Variants in CLNK observed in about 807,000 individuals in gnomAD.
The protein encoded by CLNK is cytokine dependent hematopoietic cell linker, also known as cytokine-dependent hematopoietic cell linker.
In CLNK, 74 loss-of-function variants were observed where a neutral mutation model predicts 68.6. The ratio of observed to expected loss-of-function variants is 1.08; its 90% confidence interval spans 0.89 to 1.31. The LOEUF is 1.31. CLNK is among the 50% of genes most tolerant of loss of function. The probability of loss-of-function intolerance (pLI) is 0.00; values close to 1 mark genes in which losing one functional copy is unlikely to be tolerated. For synonymous variants in CLNK, 198 were observed against 172.2 expected (o/e 1.15, Z -1.17); for missense variants, 553 against 515.3 (o/e 1.07, Z -0.71).
chr4:10,505,279 T>C (rs938188084), intron 17 of CLNK, among the ~76,000 whole-genome samples: 1 of 152,172 alleles, frequency 6.6e-6, no homozygotes, highest in African/African-American at 2.4e-5. Context: ...TGAAAAGAAC[T>C]GTGAGGGCTA....
At chr4:10,491,533 C>T (rs1264441916) in intron 18 of CLNK, among the ~76,000 whole-genome samples, 1 of 152,140 alleles carries the variant, frequency 6.6e-6, no homozygotes, top group Non-Finnish European at 1.5e-5. Flanking sequence ...GAGGTAGCTG[C>T]AGATTTCAGT....
intron 18 of CLNK, among the ~76,000 whole-genome samples, chr4:10,500,180 C>G (rs1716981067): frequency 6.6e-6 from 1 of 152,210 alleles, no homozygotes; most frequent in South Asian, 2.1e-4. Flanking sequence ...AGCTCACATC[C>G]TTAGAAATGG....
chr4:10,667,818 G>A (rs1009016261), intron 2 of CLNK, 41 bp downstream of exon 2: 2 of 1,545,710 alleles, frequency 1.3e-6, no homozygotes, highest in Non-Finnish European at 1.7e-6. Flanking sequence ...TCCCCACCAA[G>A]AAAAGGGAAC....
chr4:10,632,523 C>G (rs763655997), intron 2 of CLNK, among the ~76,000 whole-genome samples: 1 of 152,246 alleles, frequency 6.6e-6, no homozygotes, highest in African/African-American at 2.4e-5. Flanking sequence ...ATATTCATTT[C>G]CTGTACTAAG....
intron 18 of CLNK, among the ~76,000 whole-genome samples, chr4:10,491,851 G>T (rs1197955910): frequency 6.6e-6 from 1 of 151,962 alleles, no homozygotes. Flanking sequence ...TGAAGTTTGG[G>T]CTTTAGTGTA....
At chr4:10,640,268 G>A (rs1723260943) in intron 2 of CLNK, among the ~76,000 whole-genome samples, 1 of 152,084 alleles carries the variant, frequency 6.6e-6, no homozygotes, top group Non-Finnish European at 1.5e-5. Flanking sequence ...CAGTTCAAGA[G>A]ATTCTCCTGC....
intron 1 of CLNK, among the ~76,000 whole-genome samples, chr4:10,683,374 G>T (rs765054542): frequency 6.6e-6 from 1 of 152,226 alleles, no homozygotes; most frequent in Non-Finnish European, 1.5e-5. Flanking sequence ...GAGAGGGCTT[G>T]TTGGGAATAA....
the CLNK span, among the ~76,000 whole-genome samples, chr4:10,732,348 C>T: frequency 3.3e-5 from 5 of 152,158 alleles, no homozygotes; most frequent in Non-Finnish European, 5.9e-5. Flanking sequence ...GCAGCCCCTG[C>T]AAAGGCCCTG....
chr4:10,577,975 C>T (rs1414565230), intron 4 of CLNK, among the ~76,000 whole-genome samples: 2 of 152,060 alleles, frequency 1.3e-5, no homozygotes, highest in African/African-American at 4.8e-5. Context: ...AAATCCTGGC[C>T]CTGTCACTCT....
the CLNK span, among the ~76,000 whole-genome samples, chr4:10,715,123 T>A: frequency 1.3e-5 from 2 of 152,206 alleles, no homozygotes; most frequent in African/African-American, 4.8e-5. Context: ...CCTTTATATA[T>A]TGTCAAAGTG....
At chr4:10,683,747 C>T (rs1482241880) in intron 1 of CLNK, among the ~76,000 whole-genome samples, 2 of 152,172 alleles carry the variant, frequency 1.3e-5, no homozygotes, top group African/African-American at 4.8e-5. Flanking sequence ...CTTCAATTAA[C>T]CAGCTCTACC....
intron 2 of CLNK, among the ~76,000 whole-genome samples, chr4:10,658,852 A>G (rs904024942): frequency 6.6e-6 from 1 of 152,212 alleles, no homozygotes; most frequent in Admixed American, 6.5e-5. Flanking sequence ...GTCAGCATAC[A>G]CTGCAGAAAA....
At chr4:10,617,591 G>A (rs1722285988) in intron 2 of CLNK, among the ~76,000 whole-genome samples, 2 of 152,180 alleles carry the variant, frequency 1.3e-5, no homozygotes, top group African/African-American at 4.8e-5. Flanking sequence ...TGAAATAATA[G>A]TCAATTTTTG....
intron 1 of CLNK, among the ~76,000 whole-genome samples, chr4:10,673,942 A>C (rs778793426): frequency 8.5e-5 from 13 of 152,210 alleles, no homozygotes; most frequent in Non-Finnish European, 1.2e-4. Context: ...GTGTGTGTGC[A>C]TTCACTTTCT....
At chr4:10,528,597 G>A (rs1718418172) in intron 12 of CLNK, among the ~76,000 whole-genome samples, 1 of 152,152 alleles carries the variant, frequency 6.6e-6, no homozygotes, top group Admixed American at 6.5e-5. Context: ...GACATTGTAA[G>A]TATTTATGTA....
At chr4:10,538,660 T>C (rs1186222690) in intron 11 of CLNK, among the ~76,000 whole-genome samples, 1 of 152,216 alleles carries the variant, frequency 6.6e-6, no homozygotes, top group African/African-American at 2.4e-5. Context: ...CTAGTCTGAT[T>C]AGGTTCCTTT....
the CLNK span, among the ~76,000 whole-genome samples, chr4:10,715,446 A>G: frequency 6.6e-6 from 1 of 152,230 alleles, no homozygotes; most frequent in South Asian, 2.1e-4. Flanking sequence ...TTTTCAAAAT[A>G]TGGATAATAG....
At chr4:10,623,869 T>A (rs772658267) in intron 2 of CLNK, among the ~76,000 whole-genome samples, 1 of 152,236 alleles carries the variant, frequency 6.6e-6, no homozygotes, top group Non-Finnish European at 1.5e-5. Flanking sequence ...AGGACAGTGA[T>A]GTCTTCTCTT....
chr4:10,702,528 G>A, the CLNK span, among the ~76,000 whole-genome samples: 1 of 152,212 alleles, frequency 6.6e-6, no homozygotes, highest in Admixed American at 6.5e-5. Context: ...GTGCTGACAG[G>A]CAGCAAATCT....
Sources: allele counts gnomAD v4.1 joint callset (sites outside exome capture counted in the v4.1 genomes callset), GRCh38; gene constraint gnomAD v4.1.1; transcripts MANE v1.5; gene names NCBI Gene and HGNC (gene_info 2026-07-23, HGNC 2026-07-21).